ZNF418: variants seen among roughly 807,000 people sequenced by gnomAD.
The protein encoded by ZNF418 is zinc finger protein 418.
Under a neutral mutation model 32.0 loss-of-function variants are expected in ZNF418, and 32 were observed. The observed-to-expected ratio is 1.00, with a 90% CI of 0.75 to 1.34. The LOEUF is 1.34. ZNF418 is among the 40% of genes most tolerant of loss of function. The pLI is 0.00. For synonymous variants in ZNF418, 276 were observed against 270.7 expected (o/e 1.02, Z -0.19); for missense variants, 804 against 812.5 (o/e 0.99, Z 0.13).
Position 57,935,345 on chromosome 19 carries a change from G to C in ZNF418, c.-265C>G. On this transcript the variant is annotated 5_prime_UTR_variant, in exon 1 of 6. Transcript: ENST00000396147. ...TCCAGCGCCTCTCACCTCACAAACCGCAGAAACACACCCAACATTAACCAA... is the reference window on the plus strand; with the variant it reads ...TCCAGCGCCTCTCACCTCACAAACCCCAGAAACACACCCAACATTAACCAA... The C allele has an allele frequency of 1.8e-6, 1 of 555,702 alleles. No individual in the cohort carries two copies. The highest frequency in any genetic ancestry group is 2.4e-6 in the Non-Finnish European group (1 of 419,786). 34.4% of individuals were successfully genotyped at this position (555,702 alleles called of 1,614,324 possible).
intron 2 of ZNF418, among the ~76,000 whole-genome samples, chr19:57,930,777 C>CTTGTTTTT: frequency 6.6e-6 from 1 of 152,096 alleles, no homozygotes; most frequent in South Asian, 2.1e-4. Flanking sequence ...CTATGCTGTG[C>CTTGTTTTT]TTGTTTTTTT....
rs200838212 is a variant in ZNF418, at chr19:57,926,271, T to C, written c.1910A>G (p.His637Arg). The C allele has an allele frequency of 3.7e-6, 6 of 1,613,314 alleles. No homozygotes were observed. The South Asian group carries it at 4.4e-5, about 12-fold the overall frequency. ...SFAETFSLTE[H>R]RRVHTGERPY... ...CCTTTCTCCAGTGTGTACTCTCCTGTGTTCAGTAAGACTGAAGGTTTCAGC... is the reference window on the plus strand; with the variant it reads ...CCTTTCTCCAGTGTGTACTCTCCTGCGTTCAGTAAGACTGAAGGTTTCAGC... The change falls in exon 4 of 6, where the codon CAC becomes CGC. Residue 637 changes from histidine (H) to arginine (R), a missense_variant. Around this residue, in one of 3 missense-constraint regions of ZNF418, gnomAD observed 475 missense variants for 458.6 expected, o/e 1.04. Coordinates refer to ENST00000396147, the MANE Select transcript of ZNF418 (RefSeq NM_133460.3).
At position 57,927,872 on chromosome 19, in the gene ZNF418, T is replaced by G. The variant is rs1422680998; in HGVS notation, c.309A>C (p.Thr103=). The part of the protein sequence containing the change: ...DILHLADHQG[T]HHKQKLHRCE... ...ACCTGTGCAGTTTCTGCTTGTGATGTGTCCCCTGATGATCTGCCAAGTGCA... is the reference window on the plus strand; with the variant it reads ...ACCTGTGCAGTTTCTGCTTGTGATGGGTCCCCTGATGATCTGCCAAGTGCA... Residue 103 remains threonine (T), a synonymous_variant, in exon 4 of 6, where the codon ACA becomes ACC. Transcript: ENST00000396147. 1 of 1,614,134 alleles carries G rather than the reference T, an allele frequency of 6.2e-7. No homozygotes were observed. Among genetic ancestry groups the G allele is most frequent in the East Asian group, 2.2e-5 (1 of 44,858 alleles).
chr19:57,923,469 T>TATAC (rs944554818), intron 4 of ZNF418, among the ~76,000 whole-genome samples, 180 bp from the exon 5 acceptor site: 13 of 150,912 alleles, frequency 8.6e-5, no homozygotes, highest in African/African-American at 3.2e-4. Context: ...TATATACATA[T>TATAC]ATACATACAT....
Position 57,930,445 on chromosome 19 carries a change from ACC to A in ZNF418, c.114_115del (p.Trp38CysfsTer15), listed in dbSNP as rs1465760278. ...GAACTTACCCAGGGAGGATATAAGT[ACC>A]CAGTTCTCCAGCATCACGTCATGGT... On this transcript the variant is annotated frameshift_variant, in exon 3 of 6. Transcript: ENST00000396147. LOFTEE classifies it high-confidence loss of function. The A allele has an allele frequency of 6.2e-7, 1 of 1,614,034 alleles. No homozygotes were observed. Among genetic ancestry groups the A allele is most frequent in the Non-Finnish European group, 8.5e-7 (1 of 1,180,024 alleles).
chr19:57,933,954 T>C, intron 1 of ZNF418, 52 bp from the exon 2 acceptor site: 1 of 1,598,120 alleles, frequency 6.3e-7, no homozygotes, highest in Non-Finnish European at 8.5e-7. Flanking sequence ...CCCTCTTGCC[T>C]CCCCACCGAA....
Position 57,922,561 on chromosome 19 carries a change from G to C in ZNF418, c.*694C>G, listed in dbSNP as rs1028567121. On this transcript the variant is annotated 3_prime_UTR_variant, in exon 6 of 6. Coordinates refer to ENST00000396147, the MANE Select transcript of ZNF418 (RefSeq NM_133460.3). ...AGTTCATATTTATAATCTTGGGCTG[G>C]AGGCAAATGCATACAGTTTACCAAA... 2 of 398,372 alleles carry C rather than the reference G, an allele frequency of 5.0e-6. No individual in the cohort carries two copies. Among genetic ancestry groups the C allele is most frequent in the African/African-American group, 4.1e-5 (2 of 48,570 alleles). 24.7% of individuals were successfully genotyped at this position (398,372 alleles called of 1,614,324 possible).
In ZNF418 at chr19:57,929,984, T is replaced by A. The variant is rs546448845; in HGVS notation, c.133+444A>T. Among the ~76,000 whole-genome samples, 24 of 152,204 alleles carry A rather than the reference T, an allele frequency of 1.6e-4. No homozygotes were observed. In the East Asian group the frequency reaches 4.3e-3, roughly 27 times the overall value. On this transcript the variant is annotated intron_variant, in intron 3 of 5. Transcript: ENST00000396147. ...CAGGCGTGAGCCACCGCACCCGGCC[T>A]AAAAACAGAATTTCTAAGGAGGGTC...
intron 4 of ZNF418, among the ~76,000 whole-genome samples, chr19:57,924,480 T>C (rs182981798): frequency 3.3e-4 from 50 of 152,358 alleles, no homozygotes; most frequent in African/African-American, 1.2e-3. Flanking sequence ...TTCATAATTA[T>C]GGAGGTTCTG....
intron 4 of ZNF418, among the ~76,000 whole-genome samples, chr19:57,925,076 G>A (rs1017890699): frequency 1.3e-5 from 2 of 152,112 alleles, no homozygotes; most frequent in African/African-American, 2.4e-5. Context: ...CAAGACTGAA[G>A]GAAGCTTAAA....
At chr19:57,924,109 C>G (rs2072116666) in intron 4 of ZNF418, among the ~76,000 whole-genome samples, 1 of 151,352 alleles carries the variant, frequency 6.6e-6, no homozygotes, top group Non-Finnish European at 1.5e-5. Flanking sequence ...CCACTGTACT[C>G]CAGCCTGGGT....
At position 57,926,235 on chromosome 19, in the gene ZNF418, C is replaced by A. The variant is rs770460682; in HGVS notation, c.1946G>T (p.Cys649Phe). The change falls in exon 4 of 6, where the codon TGC becomes TTC. Residue 649 changes from cysteine to phenylalanine, a missense_variant. This residue lies in a region of ZNF418 where 475 missense variants were observed against 458.6 expected (regional missense o/e 1.04). Transcript: ENST00000396147. ...ATGAAATGATTTTCCACATTCACTG[C>A]ACTCATAAGGCCTTTCTCCAGTGTG... is the stretch of plus-strand genomic sequence containing the variant. Reference protein sequence around the residue: ...RVHTGERPYECSECGKSFHRS... With the variant: ...RVHTGERPYEFSECGKSFHRS... 11 of 1,614,064 alleles carry A rather than the reference C, an allele frequency of 6.8e-6. No individual in the cohort carries two copies. Among genetic ancestry groups the A allele is most frequent in the Non-Finnish European group, 9.3e-6 (11 of 1,180,016 alleles).
chr19:57,930,488 CCTCA>C lies in ZNF418; in HGVS notation c.69_72del (p.Ser23ArgfsTer10). 1.9e-6 allele frequency: 3 copies of C among 1,614,172 alleles called. No homozygotes were observed. Among genetic ancestry groups the C allele is most frequent in the Non-Finnish European group, 2.5e-6 (3 of 1,180,026 alleles). On this transcript the variant is annotated frameshift_variant, in exon 3 of 6. Transcript: ENST00000396147. LOFTEE classifies it high-confidence loss of function. ...ACGTCATGGTAAAGGCATCTCTGAA[CCTCA>C]CTAAGGAGACTCCACTCCTCCTGGG...
At chr19:57,929,686 CT>C (rs71940099) in intron 3 of ZNF418, among the ~76,000 whole-genome samples, 43,279 of 145,232 alleles carry the variant, frequency 0.3, 6,265 homozygotes, top group Non-Finnish European at 0.32. Flanking sequence ...AACAGAATTT[CT>C]TTTTTTTTTT....
rs1446238747 is a variant in ZNF418 at position 57,927,486 on chromosome 19, C to T, written c.695G>A (p.Cys232Tyr). 2 of 1,614,204 alleles carry T rather than the reference C, an allele frequency of 1.2e-6. No homozygotes were observed. Among genetic ancestry groups the T allele is most frequent in the Non-Finnish European group, 1.7e-6 (2 of 1,180,034 alleles). The change falls in exon 4 of 6, where the codon TGC becomes TAC. Residue 232 changes from cysteine (C) to tyrosine (Y), a missense_variant. Physicochemically the swap from Cys to Tyr is radical, Grantham distance 194 (BLOSUM62 -2). This residue lies in a region of ZNF418 where 307 missense variants were observed against 304.9 expected (regional missense o/e 1.01). Transcript: ENST00000396147. The stretch of plus-strand genomic sequence containing the variant: ...GCTAAAGGATTTCCCACATTCCCAG[C>T]AATAACATTCCTCTCTAGAGGGAAG... ...QRLPSREECY[C>Y]WECGKSFSKY...
intron 2 of ZNF418, chr19:57,932,772 G>A: frequency 2.0e-6 from 1 of 510,562 alleles, no homozygotes; most frequent in South Asian, 2.8e-5. Flanking sequence ...CAGGCCGAAT[G>A]AAAACCCCCA....
chr19:57,926,216 T>C lies in ZNF418; in HGVS notation c.1965A>G (p.Ser655=). The change falls in exon 4 of 6, where the codon TCA becomes TCG. Residue 655 remains serine (S), a synonymous_variant. Coordinates refer to ENST00000396147, the MANE Select transcript of ZNF418 (RefSeq NM_133460.3). ...RPYECSECGK[S]FHRSSSLLRH... Reference sequence around the variant, plus strand: ...GAAGGAGAGAAGAGCTTCGATGAAATGATTTTCCACATTCACTGCACTCAT... The same window carrying C: ...GAAGGAGAGAAGAGCTTCGATGAAACGATTTTCCACATTCACTGCACTCAT... 1.9e-6 allele frequency: 3 copies of C among 1,614,110 alleles called. No homozygotes were observed. Among genetic ancestry groups the C allele is most frequent in the Non-Finnish European group, 2.5e-6 (3 of 1,179,948 alleles).
intron 2 of ZNF418, among the ~76,000 whole-genome samples, chr19:57,931,282 A>T (rs1290067046): frequency 1.3e-5 from 2 of 150,308 alleles, no homozygotes; most frequent in Non-Finnish European, 3.0e-5. Context: ...GCTCACTGCA[A>T]CCTCCACCTC....
intron 2 of ZNF418, among the ~76,000 whole-genome samples, chr19:57,933,163 A>G (rs1041639329): frequency 2.0e-5 from 3 of 152,190 alleles, no homozygotes; most frequent in Non-Finnish European, 1.5e-5. Context: ...CACATCCCCA[A>G]TGAATATTAT....
Sources: allele counts gnomAD v4.1 joint callset (sites outside exome capture counted in the v4.1 genomes callset), GRCh38; gene constraint gnomAD v4.1.1; regional missense constraint gnomAD v4.1.1; transcripts MANE v1.5; gene names NCBI Gene and HGNC (gene_info 2026-07-23, HGNC 2026-07-21).